The following CACHD1 variants were observed in gnomAD, a reference collection of about 807,000 sequenced individuals.
The protein encoded by CACHD1 is VWFA and cache domain-containing protein 1.
In CACHD1, 71 loss-of-function variants were observed where a neutral mutation model predicts 138.7. The observed-to-expected ratio is 0.51, with a 90% CI of 0.42 to 0.62. CACHD1 has a LOEUF of 0.62. CACHD1 is among the 20% of genes least tolerant of loss of function. The probability of loss-of-function intolerance (pLI) is 0.00; values close to 1 mark genes in which losing one functional copy is unlikely to be tolerated. For synonymous variants in CACHD1, 578 were observed against 591.5 expected (o/e 0.98, Z 0.33); for missense variants, 1,389 against 1,625.3 (o/e 0.85, Z 2.50).
chr1:64,598,234 G>T (rs1451405759), intron 3 of CACHD1, among the ~76,000 whole-genome samples: 1 of 152,176 alleles, frequency 6.6e-6, no homozygotes, highest in Non-Finnish European at 1.5e-5. Flanking sequence ...TATATCTTAA[G>T]CCCCTATTGA....
chr1:64,668,326 CAAA>C (rs531925361), intron 16 of CACHD1, among the ~76,000 whole-genome samples: 2 of 87,688 alleles, frequency 2.3e-5, no homozygotes, highest in Non-Finnish European at 2.3e-5. Flanking sequence ...GACTGCATCT[CAAA>C]AAAAAAAAAA....
chr1:64,477,617 TATTATTA>T (rs1646182041), intron 1 of CACHD1, among the ~76,000 whole-genome samples: 4 of 140,756 alleles, frequency 2.8e-5, no homozygotes, highest in African/African-American at 1.1e-4. Flanking sequence ...TTATTATTAT[TATTATTA>T]TTTTATTTTA....
rs554793143 is a variant in CACHD1, at chr1:64,524,602, A to G, written c.199-25992A>G. ...TATATTTGCCTATCTACCTCACTGA[A>G]TTTGCGAGGGTAATGACAAAAGTAT... is the stretch of plus-strand genomic sequence containing the variant. On this transcript the variant is annotated intron_variant, in intron 1 of 26. Coordinates refer to ENST00000651257, the MANE Select transcript of CACHD1 (RefSeq NM_020925.4). Among the ~76,000 whole-genome samples the G allele has an allele frequency of 1.7e-4, 26 of 152,346 alleles. No individual in the cohort carries two copies. In the South Asian group the frequency reaches 5.4e-3, roughly 32 times the overall value.
chr1:64,577,877 G>C (rs1254170467), intron 2 of CACHD1, among the ~76,000 whole-genome samples: 1 of 152,086 alleles, frequency 6.6e-6, no homozygotes, highest in African/African-American at 2.4e-5. Context: ...TGTCTCTATT[G>C]ATGAAGAATG....
chr1:64,561,899 A>G (rs978800433), intron 2 of CACHD1, among the ~76,000 whole-genome samples: 2 of 140,262 alleles, frequency 1.4e-5, no homozygotes, highest in Admixed American at 7.6e-5. Context: ...CTTTTTTCTT[A>G]AAAGATATTT....
chr1:64,500,717 T>TAAAAAAAAAAAAAA (rs72436564), intron 1 of CACHD1, among the ~76,000 whole-genome samples: 44 of 33,776 alleles, frequency 1.3e-3, no homozygotes, highest in Non-Finnish European at 2.5e-3. Flanking sequence ...CCTTGTCTCT[T>TAAAAAAAAAAAAAA]AAAAAAAAAA....
chr1:64,510,118 C>CTTG (rs1472048517), intron 1 of CACHD1, among the ~76,000 whole-genome samples: 4 of 152,160 alleles, frequency 2.6e-5, no homozygotes, highest in Non-Finnish European at 5.9e-5. Flanking sequence ...CCAGGAGCCT[C>CTTG]AGGTGAATTC....
chr1:64,570,059 A>C (rs771099206), intron 2 of CACHD1, among the ~76,000 whole-genome samples: 18 of 152,204 alleles, frequency 1.2e-4, no homozygotes, highest in Non-Finnish European at 2.5e-4. Flanking sequence ...CTGAAAAATA[A>C]AATAACCTCA....
chr1:64,589,475 T>TGTGTGTGTGTGCGTGC (rs1218867290), intron 3 of CACHD1, among the ~76,000 whole-genome samples: 2 of 151,656 alleles, frequency 1.3e-5, no homozygotes, highest in Non-Finnish European at 2.9e-5. Flanking sequence ...ACCAATAGCG[T>TGTGTGTGTGTGCGTGC]GTGTGTGTGT....
intron 2 of CACHD1, among the ~76,000 whole-genome samples, chr1:64,561,308 A>G (rs980630420): frequency 2.0e-5 from 3 of 152,100 alleles, no homozygotes; most frequent in African/African-American, 7.2e-5. Context: ...GCTAGTTATC[A>G]TATCTATTAC....
intron 8 of CACHD1, among the ~76,000 whole-genome samples, chr1:64,644,643 A>G (rs1371828133): frequency 1.3e-5 from 2 of 152,086 alleles, no homozygotes; most frequent in African/African-American, 4.8e-5. Context: ...TCTTCCTTTA[A>G]TCTAACCAGA....
chr1:64,662,656 A>G (rs1193971555), intron 13 of CACHD1, among the ~76,000 whole-genome samples: 1 of 152,252 alleles, frequency 6.6e-6, no homozygotes, highest in Non-Finnish European at 1.5e-5. Flanking sequence ...GCTTTTAAAA[A>G]TACTATAAGG....
intron 1 of CACHD1, among the ~76,000 whole-genome samples, chr1:64,538,017 A>G (rs867228723): frequency 8.5e-5 from 13 of 152,302 alleles, no homozygotes; most frequent in South Asian, 2.1e-4. Flanking sequence ...CCAGAAATCC[A>G]TCATTCAGTC....
intron 2 of CACHD1, among the ~76,000 whole-genome samples, chr1:64,565,150 A>G (rs1293959930): frequency 6.6e-6 from 1 of 151,352 alleles, no homozygotes; most frequent in Non-Finnish European, 1.5e-5. Context: ...AGACTTGTCC[A>G]GGCTGCAGGA....
At chr1:64,685,155 A>G (rs1192261455) in intron 26 of CACHD1, among the ~76,000 whole-genome samples, 1 of 152,050 alleles carries the variant, frequency 6.6e-6, no homozygotes, top group African/African-American at 2.4e-5. Context: ...TTTTTCTGGT[A>G]CCTCTTCTAT....
chr1:64,664,558 A>G lies in CACHD1; in HGVS notation c.2155A>G (p.Met719Val). ...SHVTDEWMTQ[M>V]EMSSLNTYIV... ...CGTCACAGATGAATGGATGACACAA[A>G]TGGAAATGAGTAGCCTGAACACTTA... The change falls in exon 15 of 27, where the codon ATG becomes GTG. Residue 719 changes from methionine to valine, a missense_variant. By Grantham distance (21) the Met-to-Val change is conservative. Coordinates refer to ENST00000651257, the MANE Select transcript of CACHD1 (RefSeq NM_020925.4). The G allele has an allele frequency of 6.2e-7, 1 of 1,614,238 alleles. No individual in the cohort carries two copies. Among genetic ancestry groups the G allele is most frequent in the Non-Finnish European group, 8.5e-7 (1 of 1,180,034 alleles).
chr1:64,562,576 ATT>A (rs56286973), intron 2 of CACHD1, among the ~76,000 whole-genome samples: 32,925 of 134,344 alleles, frequency 0.25, 3,893 homozygotes, highest in South Asian at 0.38. Context: ...CACCTGGCTA[ATT>A]TTTTTTTTTT....
chr1:64,657,687 T>C (rs1282990339), intron 12 of CACHD1, among the ~76,000 whole-genome samples: 2 of 152,170 alleles, frequency 1.3e-5, no homozygotes, highest in African/African-American at 4.8e-5. Context: ...TCCTCACAAA[T>C]CCTAAATTTC....
Position 64,681,280 on chromosome 1 carries a change from C to T in CACHD1, c.3429C>T (p.Asn1143=), listed in dbSNP as rs753873622. Residue 1143 remains asparagine, a synonymous_variant, in exon 25 of 27, where the codon AAC becomes AAT. Transcript: ENST00000651257. ...TAGAAATGTCAGTGCGTATGTCCAA[C>T]CTGGAGAATGACAGAGATGAAAGGG... ...AAQEMSVRMS[N]LENDRDERDD... is the part of the protein sequence containing the mutation. 6 of 1,613,656 alleles carry T rather than the reference C, an allele frequency of 3.7e-6. No homozygotes were observed. The highest frequency in any genetic ancestry group is 2.2e-5 in the East Asian group (1 of 44,884).
Sources: gnomAD v4.1 joint callset for allele counts (sites outside exome capture counted in the v4.1 genomes callset) on GRCh38, gnomAD v4.1.1 for gene constraint, MANE v1.5 for transcripts, NCBI Gene and HGNC (gene_info 2026-07-23, HGNC 2026-07-21) for gene names.